FKBP5: variants seen among roughly 807,000 people sequenced by gnomAD.
FKBP5 encodes the protein peptidyl-prolyl cis-trans isomerase FKBP5.
FKBP5 carries 23 observed loss-of-function variants against 50.5 expected under a neutral mutation model. The ratio of observed to expected loss-of-function variants is 0.46; its 90% confidence interval spans 0.33 to 0.65. FKBP5 has a LOEUF of 0.65. Ranked by LOEUF, FKBP5 falls within the 30% of genes least tolerant of loss-of-function variation. FKBP5 has a pLI of 0.02. For synonymous variants in FKBP5, 176 were observed against 190.6 expected, an observed-to-expected ratio of 0.92 and a Z score of 0.63; for missense variants, 411 against 553.1, an observed-to-expected ratio of 0.74 and a Z score of 2.58.
At position 35,701,393 on chromosome 6, in the gene FKBP5, G is replaced by A. The variant is rs1323816902; in HGVS notation, c.-20+18935C>T. ...CAAGTAGCTGGGACTACAGGCGCCCGCCACTACACCCGGCTAATTTTTTGT... is the reference window on the plus strand; with the variant it reads ...CAAGTAGCTGGGACTACAGGCGCCCACCACTACACCCGGCTAATTTTTTGT... On this transcript the variant is annotated intron_variant, in intron 2 of 11. Transcript: ENST00000536438. Among the ~76,000 whole-genome samples the A allele has an allele frequency of 5.3e-5, 8 of 150,842 alleles. 1 individual carries two copies. The highest frequency in any genetic ancestry group is 4.6e-4 in the Admixed American group (7 of 15,158).
chr6:35,620,575 A>C (rs1334425673), intron 3 of FKBP5, among the ~76,000 whole-genome samples: 1 of 151,618 alleles, frequency 6.6e-6, no homozygotes, highest in African/African-American at 2.4e-5. Flanking sequence ...AAAAAAAAAA[A>C]AAAACACCCC....
chr6:35,589,092 T>TTATATATATATATTTTTATATA (rs1762714533), intron 7 of FKBP5, among the ~76,000 whole-genome samples: 4 of 135,964 alleles, frequency 2.9e-5, no homozygotes, highest in African/African-American at 1.2e-4. Context: ...ATATATATTT[T>TTATATATATATATTTTTATATA]TATATATATA....
chr6:35,662,394 C>G (rs1192925923), intron 1 of FKBP5, among the ~76,000 whole-genome samples: 11 of 151,546 alleles, frequency 7.3e-5, no homozygotes, highest in Admixed American at 1.3e-4. Flanking sequence ...CCCACCTCAG[C>G]CTTCTGAGTA....
intron 1 of FKBP5, among the ~76,000 whole-genome samples, chr6:35,661,108 C>A (rs1765060190): frequency 1.2e-5 from 1 of 83,030 alleles, no homozygotes; most frequent in Admixed American, 1.3e-4. Context: ...TGCTGGAAAC[C>A]ACTGAATTAT....
intron 1 of FKBP5, among the ~76,000 whole-genome samples, chr6:35,671,263 C>CAAAAA (rs760437984): frequency 7.8e-6 from 1 of 128,948 alleles, no homozygotes; most frequent in Non-Finnish European, 1.7e-5. Context: ...AATCCTGTCT[C>CAAAAA]AAAAAAAAAA....
intron 3 of FKBP5, among the ~76,000 whole-genome samples, chr6:35,626,554 T>C (rs1224967497): frequency 1.3e-5 from 2 of 152,222 alleles, no homozygotes; most frequent in African/African-American, 2.4e-5. Context: ...AGTTCACTAT[T>C]TTTAAGTATA....
chr6:35,673,041 G>C (rs187146260), intron 1 of FKBP5, among the ~76,000 whole-genome samples: 30 of 152,252 alleles, frequency 2.0e-4, no homozygotes, highest in Non-Finnish European at 3.5e-4. Flanking sequence ...TGATGTGATA[G>C]TGAATTGGTG....
At chr6:35,589,126 ATATTTT>A (rs1167894460) in intron 7 of FKBP5, among the ~76,000 whole-genome samples, 1 of 125,526 alleles carries the variant, frequency 8.0e-6, no homozygotes, top group Non-Finnish European at 1.6e-5. Flanking sequence ...ATATATATAT[ATATTTT>A]TTTTTTTTTC....
chr6:35,637,266 A>G, intron 2 of FKBP5, 108 bp from the exon 3 acceptor site: 2 of 926,908 alleles, frequency 2.2e-6, no homozygotes, highest in Non-Finnish European at 3.3e-6. Context: ...ATATGCAAAT[A>G]TACTATTATC....
chr6:35,638,665 G>C (rs902264985), intron 2 of FKBP5, among the ~76,000 whole-genome samples: 2 of 151,882 alleles, frequency 1.3e-5, no homozygotes, highest in African/African-American at 4.8e-5. Context: ...TGATTCTCCC[G>C]CCTCAGCCTC....
intron 1 of FKBP5, among the ~76,000 whole-genome samples, chr6:35,679,734 G>A (rs1388646568): frequency 6.6e-6 from 1 of 152,074 alleles, no homozygotes; most frequent in Non-Finnish European, 1.5e-5. Context: ...GTACACAAAG[G>A]CATACAGAGT....
chr6:35,676,848 C>G (rs1198974233), intron 1 of FKBP5, among the ~76,000 whole-genome samples: 1 of 152,102 alleles, frequency 6.6e-6, no homozygotes, highest in East Asian at 1.9e-4. Flanking sequence ...AAAACTACCA[C>G]CCATTTGGAA....
At chr6:35,578,344 C>G (rs1384101848) in intron 9 of FKBP5, among the ~76,000 whole-genome samples, 1 of 152,144 alleles carries the variant, frequency 6.6e-6, no homozygotes, top group Admixed American at 6.5e-5. Context: ...AGGTGTAAAC[C>G]ACTGTGCCTG....
intron 1 of FKBP5, among the ~76,000 whole-genome samples, chr6:35,646,543 T>G (rs796132094): frequency 2.0e-5 from 3 of 152,188 alleles, no homozygotes; most frequent in South Asian, 4.1e-4. Flanking sequence ...CAAATAAAAC[T>G]TTTTCCTTGA....
In FKBP5 at chr6:35,575,876, T is replaced by C. The variant is rs1281430219; in HGVS notation, c.1333A>G (p.Ser445Gly). ...EGVTNEKGTD[S>G]QAMEEEKPEG... ...GGTTTCTCTTCTTCCATTGCTTGAC[T>C]GTCTGTTCCTTTTTCATTAGTGACC... is the stretch of plus-strand genomic sequence containing the variant. Residue 445 changes from serine (S) to glycine (G), a missense_variant, in exon 11 of 11, where the codon AGT (serine) becomes GGT (glycine). Ser to Gly is a moderately conservative substitution (Grantham distance 56). Around this residue, in one of 3 missense-constraint regions of FKBP5, gnomAD observed 88 missense variants for 89.0 expected, o/e 0.99. Coordinates refer to ENST00000357266, the MANE Select transcript of FKBP5 (RefSeq NM_004117.4). 1 of 1,614,140 alleles carries C rather than the reference T, an allele frequency of 6.2e-7. No individual in the cohort carries two copies. Among genetic ancestry groups the C allele is most frequent in the Non-Finnish European group, 8.5e-7 (1 of 1,179,958 alleles).
intron 1 of FKBP5, among the ~76,000 whole-genome samples, chr6:35,727,703 T>G (rs1484148500): frequency 6.6e-6 from 1 of 152,206 alleles, no homozygotes; most frequent in Non-Finnish European, 1.5e-5. Flanking sequence ...CTCGCAAGTC[T>G]GGGGCTGGCG....
At chr6:35,711,723 T>C (rs1039316866) in intron 2 of FKBP5, among the ~76,000 whole-genome samples, 18 of 152,180 alleles carry the variant, frequency 1.2e-4, no homozygotes, top group African/African-American at 4.3e-4. Flanking sequence ...TGATAGACAT[T>C]ACACAGGTAA....
chr6:35,637,013 C>G lies in FKBP5; in HGVS notation c.250+1G>C, dbSNP rs1764326706. 2.5e-6 allele frequency: 4 copies of G among 1,592,602 alleles called. No homozygotes were observed. Among genetic ancestry groups the G allele is most frequent in the Non-Finnish European group, 2.6e-6 (3 of 1,175,002 alleles). On this transcript the variant is annotated splice_donor_variant, in intron 3 of 10. Coordinates refer to ENST00000357266, the MANE Select transcript of FKBP5 (RefSeq NM_004117.4). LOFTEE classifies it high-confidence loss of function. ...CACAACTCAAAAAAATACCCTCTTA[C>G]CTTTGCCAAGACTAAAGACAAATGG... is the stretch of plus-strand genomic sequence containing the variant.
intron 1 of FKBP5, among the ~76,000 whole-genome samples, chr6:35,680,411 C>G (rs1004133136): frequency 6.6e-6 from 1 of 152,160 alleles, no homozygotes; most frequent in Non-Finnish European, 1.5e-5. Flanking sequence ...GACTGGGCAA[C>G]AGAATTAGAC....
Sources: allele counts gnomAD v4.1 joint callset (sites outside exome capture counted in the v4.1 genomes callset), GRCh38; gene constraint gnomAD v4.1.1; regional missense constraint gnomAD v4.1.1; transcripts MANE v1.5; gene names NCBI Gene and HGNC (gene_info 2026-07-23, HGNC 2026-07-21).